SMOC1: variants seen among roughly 807,000 people sequenced by gnomAD.
SMOC1 encodes SPARC-related modular calcium-binding protein 1.
Under a neutral mutation model 56.3 loss-of-function variants are expected in SMOC1, and 22 were observed. That is an observed-to-expected ratio of 0.39 (90% CI 0.28 to 0.56). The LOEUF is 0.56. Ranked by LOEUF, SMOC1 falls within the 20% of genes least tolerant of loss-of-function variation. The pLI is 0.61. For synonymous variants in SMOC1, 193 were observed against 215.0 expected (o/e 0.90, Z 0.89); for missense variants, 509 against 565.4 (o/e 0.90, Z 1.01).
At chr14:69,995,098 A>G (rs763686323) in intron 7 of SMOC1, among the ~76,000 whole-genome samples, 1 of 152,248 alleles carries the variant, frequency 6.6e-6, no homozygotes, top group Non-Finnish European at 1.5e-5. Flanking sequence ...CTGTATCTCT[A>G]TCAAGGAGGA....
intron 7 of SMOC1, among the ~76,000 whole-genome samples, chr14:69,999,098 C>T (rs1884876186): frequency 6.6e-6 from 1 of 152,194 alleles, no homozygotes; most frequent in Admixed American, 6.5e-5. Context: ...ATGAAAGTGA[C>T]ACCCTGGCCT....
chr14:70,029,990 G>A (rs1380762229), intron 11 of SMOC1, among the ~76,000 whole-genome samples: 1 of 152,134 alleles, frequency 6.6e-6, no homozygotes, highest in African/African-American at 2.4e-5. Flanking sequence ...TCTCTCCAAT[G>A]CCAGACTTAT....
intron 3 of SMOC1, among the ~76,000 whole-genome samples, chr14:69,967,412 CGCTTTG>C (rs1334487787): frequency 6.6e-6 from 1 of 152,228 alleles, no homozygotes; most frequent in Non-Finnish European, 1.5e-5. Flanking sequence ...TGCCCAGGAT[CGCTTTG>C]AATGAGGCCC....
At chr14:70,009,030 T>C (rs1400083221) in intron 7 of SMOC1, among the ~76,000 whole-genome samples, 1 of 151,804 alleles carries the variant, frequency 6.6e-6, no homozygotes, top group Non-Finnish European at 1.5e-5. Context: ...GTAGTCACAG[T>C]TGGAGGCAAA....
chr14:69,890,885 A>T (rs114806568), intron 1 of SMOC1, among the ~76,000 whole-genome samples: 2,385 of 152,324 alleles, frequency 0.016, 60 homozygotes, highest in African/African-American at 0.054. Flanking sequence ...CCCTGGAGAA[A>T]TTCTAATGTA....
At chr14:70,012,815 A>T (rs1194320539) in intron 9 of SMOC1, among the ~76,000 whole-genome samples, 1 of 152,216 alleles carries the variant, frequency 6.6e-6, no homozygotes, top group Non-Finnish European at 1.5e-5. Context: ...GGAGGAAAAA[A>T]GGAACAAGGA....
chr14:69,905,147 T>G (rs1291910002), intron 1 of SMOC1, among the ~76,000 whole-genome samples: 1 of 151,984 alleles, frequency 6.6e-6, no homozygotes, highest in East Asian at 1.9e-4. Flanking sequence ...AACAATATGA[T>G]GATGGGAAGA....
chr14:69,950,340 G>C (rs1205643706), intron 1 of SMOC1, among the ~76,000 whole-genome samples: 1 of 152,146 alleles, frequency 6.6e-6, no homozygotes, highest in African/African-American at 2.4e-5. Context: ...CCAGTGTGGG[G>C]TGTGTATTTC....
intron 1 of SMOC1, among the ~76,000 whole-genome samples, chr14:69,948,826 C>T (rs1387632130): frequency 6.6e-6 from 1 of 152,172 alleles, no homozygotes. Context: ...TCTCATTTTA[C>T]GGATGAGAAA....
intron 1 of SMOC1, chr14:69,885,395 C>T (rs181456808): frequency 1.8e-5 from 29 of 1,599,524 alleles, no homozygotes; most frequent in African/African-American, 9.4e-5. Context: ...CTTGGCGATA[C>T]GAGCCACAGA....
intron 1 of SMOC1, among the ~76,000 whole-genome samples, chr14:69,895,741 T>C (rs1884077094): frequency 6.6e-6 from 1 of 152,160 alleles, no homozygotes; most frequent in Non-Finnish European, 1.5e-5. Flanking sequence ...TTCCTGGTGG[T>C]ATGGCATTGT....
intron 1 of SMOC1, among the ~76,000 whole-genome samples, chr14:69,896,567 C>T (rs1884104661): frequency 6.6e-6 from 1 of 152,184 alleles, no homozygotes; most frequent in Non-Finnish European, 1.5e-5. Flanking sequence ...AATTAGATTT[C>T]CCCCTTGGAA....
intron 1 of SMOC1, chr14:69,885,828 C>G: frequency 6.2e-7 from 1 of 1,603,086 alleles, no homozygotes; most frequent in South Asian, 1.1e-5. Context: ...TGCTTTGTCT[C>G]TGGCCTGTAC....
intron 7 of SMOC1, among the ~76,000 whole-genome samples, chr14:69,996,965 T>C (rs1203386678): frequency 6.6e-6 from 1 of 152,246 alleles, no homozygotes; most frequent in Non-Finnish European, 1.5e-5. Context: ...CACAGCCATA[T>C]ATTTGTGTAG....
intron 3 of SMOC1, 25 bp downstream of exon 3, chr14:69,953,557 G>T (rs201839953): frequency 4.2e-5 from 67 of 1,599,062 alleles, no homozygotes; most frequent in Admixed American, 6.7e-5. Context: ...AATCCTCTTG[G>T]GCTCTTTCCT....
intron 10 of SMOC1, among the ~76,000 whole-genome samples, chr14:70,014,401 A>G (rs1205477600): frequency 1.3e-5 from 2 of 152,218 alleles, no homozygotes; most frequent in Non-Finnish European, 2.9e-5. Flanking sequence ...TCTACCTATC[A>G]AAGAAAAGAT....
chr14:69,996,709 G>C (rs1884779350), intron 7 of SMOC1, among the ~76,000 whole-genome samples: 1 of 152,192 alleles, frequency 6.6e-6, no homozygotes, highest in Non-Finnish European at 1.5e-5. Context: ...AGGATAGTTG[G>C]GAGAGACCTA....
At chr14:69,929,494 C>G (rs77934762) in intron 1 of SMOC1, among the ~76,000 whole-genome samples, 3,214 of 152,248 alleles carry the variant, frequency 0.021, 119 homozygotes, top group African/African-American at 0.075. Context: ...AAATCCTGGT[C>G]TGTCTGATTC....
chr14:69,998,607 C>A (rs1203472822), intron 7 of SMOC1, among the ~76,000 whole-genome samples: 1 of 152,142 alleles, frequency 6.6e-6, no homozygotes, highest in East Asian at 1.9e-4. Flanking sequence ...TGACTATGTG[C>A]AGGCACTTTC....
Sources: gnomAD v4.1 joint callset for allele counts (sites outside exome capture counted in the v4.1 genomes callset) on GRCh38, gnomAD v4.1.1 for gene constraint, MANE v1.5 for transcripts, NCBI Gene and HGNC (gene_info 2026-07-23, HGNC 2026-07-21) for gene names.